Variants in DAB1 observed in about 807,000 individuals in gnomAD.
DAB1 encodes disabled homolog 1.
In DAB1, 15 loss-of-function variants were observed where a neutral mutation model predicts 64.6. The ratio of observed to expected loss-of-function variants is 0.23; its 90% CI spans 0.16 to 0.36. The LOEUF is 0.36. Ranked by LOEUF, DAB1 falls within the 10% of genes least tolerant of loss-of-function variation. DAB1 has a pLI of 1.00. For synonymous variants in DAB1, 235 were observed against 251.9 expected (o/e 0.93, Z 0.64); for missense variants, 596 against 706.7 (o/e 0.84, Z 1.78).
intron 1 of DAB1, among the ~76,000 whole-genome samples, chr1:57,415,246 AACACACAC>A (rs111517848): frequency 1.3e-3 from 188 of 143,322 alleles, no homozygotes; most frequent in African/African-American, 4.2e-3. Flanking sequence ...TACCTCACAC[AACACACAC>A]ACACACACAC....
At chr1:57,295,954 G>T (rs1376414835) in intron 1 of DAB1, among the ~76,000 whole-genome samples, 2 of 152,104 alleles carry the variant, frequency 1.3e-5, no homozygotes, top group African/African-American at 4.8e-5. Context: ...AGGTGGAAGA[G>T]AAAAAACTTT....
intron 4 of DAB1, among the ~76,000 whole-genome samples, chr1:58,189,992 TC>T (rs1657299421): frequency 6.6e-6 from 1 of 152,170 alleles, no homozygotes; most frequent in Non-Finnish European, 1.5e-5. Context: ...TCCTGATACT[TC>T]TTGGGACTTT....
At chr1:57,435,046 C>CTTTTTTTTTTTTTTTTTTTTTTTT (rs71580850) in intron 7 of DAB1, among the ~76,000 whole-genome samples, 5 of 93,068 alleles carry the variant, frequency 5.4e-5, no homozygotes, top group African/African-American at 8.6e-5. Context: ...TTCTTTTTTT[C>CTTTTTTTTTTTTTTTTTTTTTTTT]TTTTTTTTTT....
chr1:57,190,605 C>G (rs990914773), intron 2 of DAB1, among the ~76,000 whole-genome samples: 5 of 152,140 alleles, frequency 3.3e-5, no homozygotes, highest in Non-Finnish European at 7.3e-5. Context: ...CAGGAAAATG[C>G]CTATTCCCAC....
intron 4 of DAB1, among the ~76,000 whole-genome samples, chr1:58,177,135 C>G (rs985943378): frequency 6.6e-6 from 1 of 152,108 alleles, no homozygotes; most frequent in African/African-American, 2.4e-5. Flanking sequence ...CAGATAATTT[C>G]AGTAACTAGC....
At chr1:58,299,922 C>A (rs1179859938) in intron 4 of DAB1, among the ~76,000 whole-genome samples, 2 of 152,146 alleles carry the variant, frequency 1.3e-5, no homozygotes, top group Non-Finnish European at 1.5e-5. Flanking sequence ...AAGCAACTCT[C>A]TCCAGGGGAG....
chr1:58,077,514 C>T (rs936805336), intron 5 of DAB1, among the ~76,000 whole-genome samples: 2 of 152,124 alleles, frequency 1.3e-5, no homozygotes, highest in African/African-American at 2.4e-5. Context: ...AGAGAAATAA[C>T]AGGAGGGAGA....
intron 3 of DAB1, among the ~76,000 whole-genome samples, chr1:58,458,932 G>A (rs571142570): frequency 6.6e-6 from 1 of 152,112 alleles, no homozygotes; most frequent in Non-Finnish European, 1.5e-5. Context: ...ATTATATAAG[G>A]ATATTCATAT....
chr1:58,234,257 G>A (rs1010151721), intron 4 of DAB1, among the ~76,000 whole-genome samples: 1 of 152,082 alleles, frequency 6.6e-6, no homozygotes, highest in African/African-American at 2.4e-5. Context: ...AATATCTATC[G>A]ATTATTGACT....
At chr1:58,311,342 TAA>T (rs1662424422) in intron 4 of DAB1, among the ~76,000 whole-genome samples, 1 of 152,216 alleles carries the variant, frequency 6.6e-6, no homozygotes, top group South Asian at 2.1e-4. Context: ...TTGTTTTTAA[TAA>T]GTGTATAGTG....
chr1:58,155,923 A>G (rs1655201752), intron 4 of DAB1, among the ~76,000 whole-genome samples: 1 of 152,230 alleles, frequency 6.6e-6, no homozygotes, highest in Non-Finnish European at 1.5e-5. Flanking sequence ...AATGCCTCCC[A>G]ATAGTGAAAT....
intron 5 of DAB1, among the ~76,000 whole-genome samples, chr1:57,970,183 T>C (rs1557586454): frequency 6.6e-6 from 1 of 152,180 alleles, no homozygotes; most frequent in Non-Finnish European, 1.5e-5. Context: ...TTATTGTCCA[T>C]AAGCCATCGT....
chr1:57,744,962 T>C (rs764105470), intron 6 of DAB1, among the ~76,000 whole-genome samples: 1 of 152,176 alleles, frequency 6.6e-6, no homozygotes, highest in Non-Finnish European at 1.5e-5. Context: ...TGTACATTTC[T>C]AAGGAGCACT....
intron 5 of DAB1, among the ~76,000 whole-genome samples, chr1:58,108,930 G>T (rs954663961): frequency 6.6e-6 from 1 of 152,160 alleles, no homozygotes; most frequent in African/African-American, 2.4e-5. Flanking sequence ...GTCTTGAGAT[G>T]CAGAGAACAG....
intron 8 of DAB1, among the ~76,000 whole-genome samples, chr1:57,064,914 C>T (rs1650751026): frequency 6.6e-6 from 1 of 152,124 alleles, no homozygotes; most frequent in South Asian, 2.1e-4. Flanking sequence ...CCTACAGAGT[C>T]CTTGTTAATG....
chr1:57,951,851 A>ATTAAAT (rs1413199849), intron 5 of DAB1, among the ~76,000 whole-genome samples: 2 of 152,144 alleles, frequency 1.3e-5, no homozygotes, highest in African/African-American at 4.8e-5. Context: ...CATTAAACCC[A>ATTAAAT]GTCCTCTTAG....
At chr1:58,538,860 A>G in intron 1 of DAB1, 1 of 872,034 alleles carries the variant, frequency 1.1e-6, no homozygotes, top group South Asian at 1.3e-5. Flanking sequence ...GAGGAACCGG[A>G]GCAGCTTGAA....
intron 3 of DAB1, among the ~76,000 whole-genome samples, chr1:58,400,486 T>C (rs555417343): frequency 2.6e-5 from 4 of 152,244 alleles, no homozygotes; most frequent in African/African-American, 7.2e-5. Flanking sequence ...CCCGAGGGTA[T>C]TTACTATTGA....
chr1:58,443,799 A>T (rs1490767967), intron 3 of DAB1, among the ~76,000 whole-genome samples: 1 of 152,258 alleles, frequency 6.6e-6, no homozygotes, highest in Non-Finnish European at 1.5e-5. Flanking sequence ...TCTAAACAGA[A>T]ACTAATACTC....
Sources: gnomAD v4.1 joint callset for allele counts (sites outside exome capture counted in the v4.1 genomes callset) on GRCh38, gnomAD v4.1.1 for gene constraint, MANE v1.5 for transcripts, NCBI Gene and HGNC (gene_info 2026-07-23, HGNC 2026-07-21) for gene names.